TMEM233: variants seen among roughly 807,000 people sequenced by gnomAD.
TMEM233 encodes the protein dispanin subfamily B member 2.
In TMEM233, 6 loss-of-function variants were observed where a neutral mutation model predicts 11.2. The observed-to-expected ratio is 0.54, with a 90% CI of 0.29 to 1.06. The LOEUF (loss-of-function observed/expected upper bound fraction) is 1.06, where lower values mean the gene tolerates loss of function less well. Ranked by LOEUF, TMEM233 falls within the 50% of genes least tolerant of loss-of-function variation. The pLI is 0.08. For missense variants in TMEM233, 127 were observed against 144.7 expected (o/e 0.88, Z 0.63); for synonymous variants, 59 against 55.8 (o/e 1.06, Z -0.26).
chr12:119,620,649 G>A (rs1167431944), intron 1 of TMEM233, among the ~76,000 whole-genome samples: 2 of 152,064 alleles, frequency 1.3e-5, no homozygotes, highest in African/African-American at 2.4e-5. Context: ...AAAATAAAAA[G>A]TTACAAAGGA....
chr12:119,629,746 G>A lies in TMEM233; in HGVS notation c.197G>A (p.Ser66Asn), dbSNP rs1954839904. Residue 66 changes from serine (S) to asparagine (N), a missense_variant, in exon 2 of 3, where the codon AGC becomes AAC. Transcript: ENST00000426426. The stretch of plus-strand genomic sequence containing the variant: ...CCTTCTGTCCCCCAGTCTCTGAACA[G>A]CTACAACGATGGAGACTACGAAGGA... ...ALVFSIMSLNSYNDGDYEGAR... is the reference protein window; with the variant it reads ...ALVFSIMSLNNYNDGDYEGAR... 4.5e-6 allele frequency: 7 copies of A among 1,551,082 alleles called. No homozygotes were observed. The highest frequency in any genetic ancestry group is 6.1e-6 in the Non-Finnish European group (7 of 1,146,698).
the TMEM233 span, among the ~76,000 whole-genome samples, chr12:119,648,590 T>G: frequency 6.6e-6 from 1 of 152,224 alleles, no homozygotes; most frequent in African/African-American, 2.4e-5. Flanking sequence ...ACAATGGTAG[T>G]TAGATGCAGT....
chr12:119,611,165 A>C (rs990620181), intron 1 of TMEM233, among the ~76,000 whole-genome samples: 13 of 152,152 alleles, frequency 8.5e-5, no homozygotes, highest in African/African-American at 2.9e-4. Flanking sequence ...GTATGAACTT[A>C]TGTTTTCAAT....
In TMEM233 at chr12:119,642,760, A is replaced by G. The variant is rs1280426949; in HGVS notation, c.*2055A>G. On this transcript the variant is annotated 3_prime_UTR_variant, in exon 3 of 3. Coordinates refer to ENST00000426426, the MANE Select transcript of TMEM233 (RefSeq NM_001136534.3). Reference sequence around the variant, plus strand: ...GGGGAGAATTCTAAGTACTATACCAATACAAATTTCAGCATTTTTTCATAT... The same window carrying G: ...GGGGAGAATTCTAAGTACTATACCAGTACAAATTTCAGCATTTTTTCATAT... 1 of 151,526 alleles carries G rather than the reference A, an allele frequency of 6.6e-6. No homozygotes were observed. Among genetic ancestry groups the G allele is most frequent in the Non-Finnish European group, 1.5e-5 (1 of 67,980 alleles). 9.4% of individuals were successfully genotyped at this position (151,526 alleles called of 1,614,324 possible).
intron 1 of TMEM233, among the ~76,000 whole-genome samples, chr12:119,616,899 A>G (rs1954549014): frequency 6.6e-6 from 1 of 152,184 alleles, no homozygotes; most frequent in Non-Finnish European, 1.5e-5. Flanking sequence ...GAAGAAGGAC[A>G]TGTTTACTTC....
chr12:119,610,672 G>A (rs971201153), intron 1 of TMEM233, among the ~76,000 whole-genome samples: 2 of 152,154 alleles, frequency 1.3e-5, no homozygotes, highest in African/African-American at 4.8e-5. Context: ...CTCTCCTGCT[G>A]TCCTGTAAAG....
intron 1 of TMEM233, among the ~76,000 whole-genome samples, chr12:119,626,191 G>T (rs1954753106): frequency 6.6e-6 from 1 of 152,136 alleles, no homozygotes; most frequent in Non-Finnish European, 1.5e-5. Context: ...ACTACATAGG[G>T]CCAGGTGCAG....
At chr12:119,605,498 G>A (rs1235665895) in intron 1 of TMEM233, among the ~76,000 whole-genome samples, 1 of 137,170 alleles carries the variant, frequency 7.3e-6, no homozygotes, top group African/African-American at 2.7e-5. Flanking sequence ...TACAACCACA[G>A]GTCACTGCAG....
intron 1 of TMEM233, among the ~76,000 whole-genome samples, chr12:119,603,335 C>T (rs1451345413): frequency 3.3e-5 from 5 of 152,178 alleles, no homozygotes; most frequent in South Asian, 2.1e-4. Flanking sequence ...AGTCATTATC[C>T]GCCCAGATGA....
downstream of TMEM233, among the ~76,000 whole-genome samples, chr12:119,644,156 G>A (rs970137258): frequency 6.6e-6 from 1 of 152,182 alleles, no homozygotes; most frequent in Non-Finnish European, 1.5e-5. Context: ...TTAACAAACA[G>A]GTGTGGCCAC....
rs747950218 is a variant in TMEM233, at chr12:119,593,995, G to A, written c.147G>A (p.Ala49=). The A allele has an allele frequency of 1.4e-5, 21 of 1,551,558 alleles. No homozygotes were observed. The highest frequency in any genetic ancestry group is 6.1e-6 in the Non-Finnish European group (7 of 1,146,984). Residue 49 remains alanine (A), a synonymous_variant, in exon 1 of 3, where the codon GCG becomes GCA. Transcript: ENST00000426426. This position sits in a 1 kb window ranked among gnomAD's most constrained non-coding sequence, Gnocchi z 4.1. ...WLTIVSCFCP[A]YPINIVALVF... ...CCATCGTCTCGTGTTTTTGCCCTGC[G>A]TACCCCATCAACATCGTGGCTTTGG...
chr12:119,645,756 C>T (rs761283037), downstream of TMEM233, among the ~76,000 whole-genome samples: 1 of 152,110 alleles, frequency 6.6e-6, no homozygotes, highest in Non-Finnish European at 1.5e-5. Flanking sequence ...TCTTCCTGTC[C>T]CAGTGTAGAA....
At chr12:119,609,040 G>C (rs998905425) in intron 1 of TMEM233, among the ~76,000 whole-genome samples, 1 of 152,166 alleles carries the variant, frequency 6.6e-6, no homozygotes, top group Admixed American at 6.5e-5. Flanking sequence ...GAACAGTTTG[G>C]AGGTCTCAGA....
intron 1 of TMEM233, among the ~76,000 whole-genome samples, chr12:119,599,774 C>T (rs1258594424): frequency 6.6e-6 from 1 of 152,180 alleles, no homozygotes; most frequent in Non-Finnish European, 1.5e-5. Flanking sequence ...CCTACCACCC[C>T]ACACAGCCAG....
At position 119,630,066 on chromosome 12, in the gene TMEM233, G is replaced by A. The variant is rs867147266; in HGVS notation, c.323+194G>A. On this transcript the variant is annotated intron_variant, in intron 2 of 2. Transcript: ENST00000426426. Reference sequence around the variant, plus strand: ...GTGTGGATCTTCTAGTGCGGGAGTGGGTGAACTCCTTTGGTAAATGACCAA... The same window carrying A: ...GTGTGGATCTTCTAGTGCGGGAGTGAGTGAACTCCTTTGGTAAATGACCAA... Among the ~76,000 whole-genome samples, 9 of 151,934 alleles carry A rather than the reference G, an allele frequency of 5.9e-5. No individual in the cohort carries two copies. The South Asian group carries it at 1.3e-3, about 21-fold the overall frequency.
In TMEM233 at chr12:119,593,885, G is replaced by A; in HGVS notation, c.37G>A (p.Ala13Thr). 6.4e-7 allele frequency: 1 copy of A among 1,551,736 alleles called. No individual in the cohort carries two copies. The highest frequency in any genetic ancestry group is 2.0e-5 in the Admixed American group (1 of 51,014). ...CGCCCCTAGCCCGGACTTCAAGAGG[G>A]CTTTGGACAGCAGTCCCGAGGCCAA... ...QYAPSPDFKR[A>T]LDSSPEANTE... The change falls in exon 1 of 3, where the codon GCT (alanine) becomes ACT (threonine). Residue 13 changes from alanine (A) to threonine (T), a missense_variant. Transcript: ENST00000426426. This position sits in a 1 kb window ranked among gnomAD's most constrained non-coding sequence, Gnocchi z 4.1.
rs181696579 is a variant in TMEM233 at position 119,621,491 on chromosome 12, T to G, written c.187-8245T>G. Among the ~76,000 whole-genome samples the G allele has an allele frequency of 1.5e-3, 209 of 135,670 alleles. 1 individual carries two copies. The highest frequency in any genetic ancestry group is 0.014 in the Admixed American group (183 of 12,646). The allele number at this position is 135,670 out of a possible 152,430, so 89.0% of individuals were successfully genotyped here. Reference sequence around the variant, plus strand: ...AGCCACTGCACCTGGCCTATTCATATGCTTAGAACAAAGAGAGAAAAAAAA... The same window carrying G: ...AGCCACTGCACCTGGCCTATTCATAGGCTTAGAACAAAGAGAGAAAAAAAA... On this transcript the variant is annotated intron_variant, in intron 1 of 2. Coordinates refer to ENST00000426426, the MANE Select transcript of TMEM233 (RefSeq NM_001136534.3).
chr12:119,653,681 A>C, the TMEM233 span, among the ~76,000 whole-genome samples: 1 of 152,018 alleles, frequency 6.6e-6, no homozygotes, highest in Non-Finnish European at 1.5e-5. Context: ...ATCCTGAAAT[A>C]AATTATTTGT....
chr12:119,648,481 G>T, the TMEM233 span, among the ~76,000 whole-genome samples: 1 of 152,284 alleles, frequency 6.6e-6, no homozygotes, highest in East Asian at 1.9e-4. Context: ...AGTGCCTCTT[G>T]TTCAGAGGTG....
Sources: gnomAD v4.1 joint callset for allele counts (sites outside exome capture counted in the v4.1 genomes callset) on GRCh38, gnomAD v4.1.1 for gene constraint, Gnocchi (gnomAD v3.1) non-coding constraint, MANE v1.5 for transcripts, NCBI Gene and HGNC (gene_info 2026-07-23, HGNC 2026-07-21) for gene names.